PRKD1: variants seen among roughly 807,000 people sequenced by gnomAD.
PRKD1 encodes the protein protein kinase D1.
PRKD1 carries 63 observed loss-of-function variants against 95.9 expected under a neutral mutation model. That is an observed-to-expected ratio of 0.66 (90% CI 0.54 to 0.81). The LOEUF is 0.81. Among genes scored for constraint, PRKD1 ranks in the 30% least tolerant of loss-of-function variants. PRKD1 has a pLI of 0.00. For missense variants in PRKD1, 1,048 were observed against 1,165.3 expected (o/e 0.90, Z 1.47); for synonymous variants, 425 against 423.1 (o/e 1.00, Z -0.05).
At chr14:29,638,667 T>C in intron 5 of PRKD1, 27 bp downstream of exon 5, 2 of 1,612,688 alleles carry the variant, frequency 1.2e-6, no homozygotes, top group African/African-American at 1.3e-5. Context: ...GTGATCAAAG[T>C]TCGACAGGTG....
At chr14:29,640,846 T>G (rs534283786) in intron 4 of PRKD1, among the ~76,000 whole-genome samples, 1 of 152,220 alleles carries the variant, frequency 6.6e-6, no homozygotes, top group African/African-American at 2.4e-5. Flanking sequence ...GACAAATCAC[T>G]GTTCAGTTAC....
chr14:29,634,590 T>C (rs1880247086), intron 7 of PRKD1, 49 bp from the exon 8 acceptor site: 1 of 1,609,686 alleles, frequency 6.2e-7, no homozygotes, highest in Admixed American at 1.7e-5. Flanking sequence ...AGGTACATTT[T>C]ATGTATTTTC....
In PRKD1 at chr14:29,777,942, G is replaced by A. The variant is rs953957689; in HGVS notation, c.265-52268C>T. Among the ~76,000 whole-genome samples, 50 of 152,224 alleles carry A rather than the reference G, an allele frequency of 3.3e-4. No individual in the cohort carries two copies. In the East Asian group the frequency reaches 3.7e-3, roughly 11 times the overall value. ...AAAAGAACAGAAATTATAACAAACT[G>A]TCTCTCAGACCACAGTGCAATCAAA... On this transcript the variant is annotated intron_variant, in intron 1 of 17. Coordinates refer to ENST00000331968, the MANE Select transcript of PRKD1 (RefSeq NM_002742.3).
chr14:29,725,952 T>A (rs772152849), intron 1 of PRKD1, among the ~76,000 whole-genome samples: 25 of 152,280 alleles, frequency 1.6e-4, no homozygotes, highest in Non-Finnish European at 3.1e-4. Flanking sequence ...AAGATTTAAA[T>A]AAGTTCTGGC....
intron 2 of PRKD1, among the ~76,000 whole-genome samples, chr14:29,702,514 G>C (rs1423744936): frequency 7.2e-5 from 11 of 151,888 alleles, no homozygotes; most frequent in Non-Finnish European, 1.6e-4. Flanking sequence ...CTCAGAAATA[G>C]ATGCAAAATT....
chr14:29,689,268 GA>G (rs199959754), intron 2 of PRKD1, among the ~76,000 whole-genome samples: 6 of 147,992 alleles, frequency 4.1e-5, no homozygotes, highest in Admixed American at 6.8e-5. Context: ...AAATTTACAA[GA>G]AAAAAAAAAC....
At chr14:29,624,078 A>C in intron 13 of PRKD1, 74 bp downstream of exon 13, 2 of 1,081,554 alleles carry the variant, frequency 1.8e-6, no homozygotes, top group East Asian at 5.1e-5. Context: ...TTTTAGAGAA[A>C]ATTTATTTGC....
At chr14:29,779,255 C>G (rs1228484653) in intron 1 of PRKD1, among the ~76,000 whole-genome samples, 2 of 152,130 alleles carry the variant, frequency 1.3e-5, no homozygotes, top group Non-Finnish European at 2.9e-5. Flanking sequence ...TCTCACCACT[C>G]CTATTCAACA....
intron 1 of PRKD1, among the ~76,000 whole-genome samples, chr14:29,907,671 G>C (rs1281058825): frequency 2.0e-5 from 3 of 152,130 alleles, no homozygotes; most frequent in Non-Finnish European, 4.4e-5. Flanking sequence ...TAATAAGCAA[G>C]CAACTGTTTC....
intron 16 of PRKD1, among the ~76,000 whole-genome samples, chr14:29,588,262 T>C (rs1290917709): frequency 6.6e-6 from 1 of 152,212 alleles, no homozygotes; most frequent in Non-Finnish European, 1.5e-5. Flanking sequence ...TTCCTTTTCA[T>C]GGTAAAGTGC....
At chr14:29,909,469 G>A (rs1329401264) in intron 1 of PRKD1, among the ~76,000 whole-genome samples, 1 of 152,178 alleles carries the variant, frequency 6.6e-6, no homozygotes, top group Non-Finnish European at 1.5e-5. Flanking sequence ...AAGCCAGCTG[G>A]GCTCCTGAGT....
chr14:29,684,434 G>A (rs781282490), intron 2 of PRKD1, among the ~76,000 whole-genome samples: 2 of 152,126 alleles, frequency 1.3e-5, no homozygotes, highest in Non-Finnish European at 2.9e-5. Flanking sequence ...AGTAATTTAA[G>A]TCTATTGTTC....
chr14:29,855,881 T>G (rs529877586), intron 1 of PRKD1, among the ~76,000 whole-genome samples: 1 of 152,186 alleles, frequency 6.6e-6, no homozygotes, highest in African/African-American at 2.4e-5. Context: ...ACTTGTTCCT[T>G]CTTGCTTTCC....
At chr14:29,670,130 G>A (rs1343289815) in intron 2 of PRKD1, among the ~76,000 whole-genome samples, 2 of 152,156 alleles carry the variant, frequency 1.3e-5, no homozygotes, top group Admixed American at 6.5e-5. Flanking sequence ...GCTTATGTAA[G>A]TAAAGCAGTC....
intron 1 of PRKD1, among the ~76,000 whole-genome samples, chr14:29,844,470 A>C (rs568114861): frequency 4.3e-4 from 66 of 152,346 alleles, no homozygotes; most frequent in African/African-American, 1.5e-3. Flanking sequence ...CATGTTAAGT[A>C]GATATAAAAA....
chr14:29,850,159 C>G lies in PRKD1; in HGVS notation c.264+77090G>C, dbSNP rs540571889. Among the ~76,000 whole-genome samples the G allele has an allele frequency of 7.2e-5, 11 of 152,246 alleles. No homozygotes were observed. The East Asian group carries it at 2.1e-3, about 29-fold the overall frequency. On this transcript the variant is annotated intron_variant, in intron 1 of 17. Transcript: ENST00000331968. Reference sequence around the variant, plus strand: ...CTGGAACATGACAAAGATGCACATTCTTACCACTCTTATTCAACATAGTAC... The same window carrying G: ...CTGGAACATGACAAAGATGCACATTGTTACCACTCTTATTCAACATAGTAC...
chr14:29,828,742 A>T (rs561703380), intron 1 of PRKD1, among the ~76,000 whole-genome samples: 2 of 152,180 alleles, frequency 1.3e-5, no homozygotes, highest in Non-Finnish European at 1.5e-5. Flanking sequence ...CCAACAAAAC[A>T]TATACTGAAT....
intron 1 of PRKD1, among the ~76,000 whole-genome samples, chr14:29,733,665 G>A (rs774955528): frequency 1.3e-4 from 20 of 151,998 alleles, no homozygotes; most frequent in Non-Finnish European, 1.9e-4. Flanking sequence ...AAAATCATTA[G>A]ATCTCATAAG....
intron 8 of PRKD1, among the ~76,000 whole-genome samples, chr14:29,633,367 G>A (rs1000944396): frequency 6.6e-6 from 1 of 152,200 alleles, no homozygotes; most frequent in African/African-American, 2.4e-5. Context: ...ATCCCATGCT[G>A]ATGGAGCCAG....
Sources: allele counts gnomAD v4.1 joint callset (sites outside exome capture counted in the v4.1 genomes callset), GRCh38; gene constraint gnomAD v4.1.1; transcripts MANE v1.5; gene names NCBI Gene and HGNC (gene_info 2026-07-23, HGNC 2026-07-21).